The following BCR variants were observed in gnomAD, a reference collection of about 807,000 sequenced individuals.
BCR encodes BCR activator of RhoGEF and GTPase, also known as breakpoint cluster region protein.
A neutral mutation model predicts 138.6 loss-of-function variants in BCR; 58 were observed. The ratio of observed to expected loss-of-function variants is 0.42; its 90% CI spans 0.34 to 0.52. The LOEUF is 0.52. Ranked by LOEUF, BCR falls within the 20% of genes least tolerant of loss-of-function variation. The probability of loss-of-function intolerance (pLI) is 0.06; values close to 1 mark genes in which losing one functional copy is unlikely to be tolerated. For missense variants in BCR, 1,599 were observed against 1,727.2 expected, an observed-to-expected ratio of 0.93 and a Z score of 1.32; for synonymous variants, 786 against 730.1, an observed-to-expected ratio of 1.08 and a Z score of -1.23.
At chr22:23,269,107 GTGT>G (rs2073479380) in intron 5 of BCR, among the ~76,000 whole-genome samples, 1 of 152,256 alleles carries the variant, frequency 6.6e-6, no homozygotes, top group Non-Finnish European at 1.5e-5. Context: ...AAACCATGTG[GTGT>G]TAGCGCCCAG....
chr22:23,250,063 C>T (rs150439006), intron 1 of BCR, among the ~76,000 whole-genome samples: 42 of 152,336 alleles, frequency 2.8e-4, no homozygotes, highest in African/African-American at 9.1e-4. Context: ...AAACCCTCAC[C>T]GGGCACTTGA....
chr22:23,263,383 C>T (rs2073395744), intron 4 of BCR: 3 of 1,253,512 alleles, frequency 2.4e-6, no homozygotes, highest in South Asian at 1.2e-5. Flanking sequence ...CGGCTCGGCA[C>T]CAACCTGATG....
At chr22:23,204,414 T>G (rs2072588758) in intron 1 of BCR, among the ~76,000 whole-genome samples, 1 of 146,726 alleles carries the variant, frequency 6.8e-6, no homozygotes, top group Non-Finnish European at 1.5e-5. Flanking sequence ...TAAAATTAAG[T>G]CATGTTGCTC....
intron 4 of BCR, chr22:23,263,229 GTGC>G: frequency 6.0e-6 from 6 of 1,003,296 alleles, no homozygotes; most frequent in Non-Finnish European, 8.7e-6. Flanking sequence ...CCTGCCGGAA[GTGC>G]TGCTGCTGCA....
intron 1 of BCR, among the ~76,000 whole-genome samples, chr22:23,200,302 A>T (rs2072537468): frequency 6.6e-6 from 1 of 152,120 alleles, no homozygotes; most frequent in Non-Finnish European, 1.5e-5. Flanking sequence ...TTTTGGTTTG[A>T]AGCTCAAAGC....
At position 23,311,972 on chromosome 22, in the gene BCR, A is replaced by T. The variant is rs1223427099; in HGVS notation, c.3322+136A>T. 4.2e-6 allele frequency: 6 copies of T among 1,430,366 alleles called. No individual in the cohort carries two copies. The African/African-American group carries it at 4.3e-5, about 10-fold the overall frequency. The allele number at this position is 1,430,366 out of a possible 1,614,324, so 88.6% of individuals were successfully genotyped here. A position where few individuals can be genotyped will look rare whatever the true frequency, so the allele number is the denominator to read the frequency against. On this transcript the variant is annotated intron_variant, in intron 19 of 22. Coordinates refer to ENST00000305877, the MANE Select transcript of BCR (RefSeq NM_004327.4). The stretch of plus-strand genomic sequence containing the variant: ...CTTCATTTACTGTGTTATTATTTTT[A>T]AAAAAGAGAAGACAAGAGTTGTAGA...
At chr22:23,281,399 G>C (rs1453264142) in intron 8 of BCR, among the ~76,000 whole-genome samples, 1 of 152,214 alleles carries the variant, frequency 6.6e-6, no homozygotes, top group African/African-American at 2.4e-5. Context: ...GGACGACTCG[G>C]GTGGGCTATG....
intron 4 of BCR, chr22:23,263,254 A>G (rs917482479): frequency 9.3e-7 from 1 of 1,070,274 alleles, no homozygotes; most frequent in Non-Finnish European, 1.4e-6. Flanking sequence ...ATGTGCTCCT[A>G]CCTCGACATG....
At chr22:23,271,010 G>A (rs759373826) in intron 5 of BCR, among the ~76,000 whole-genome samples, 17 of 152,208 alleles carry the variant, frequency 1.1e-4, no homozygotes, top group Non-Finnish European at 1.5e-4. Flanking sequence ...GGTGCTCTTC[G>A]GAACTGGCAG....
intron 1 of BCR, among the ~76,000 whole-genome samples, chr22:23,235,675 C>CA (rs1487707976): frequency 6.6e-6 from 1 of 152,146 alleles, no homozygotes; most frequent in South Asian, 2.1e-4. Context: ...GCTGCTATAA[C>CA]AAAAATGCCA....
rs368688473 is a variant in BCR, at chr22:23,275,389, T to C, written c.2115+1615T>C. ...AGCAGGGTGGGAACATGGCCCCACC[T>C]CATCGGGCACCTGGGCTGTCAAATG... On this transcript the variant is annotated intron_variant, in intron 8 of 22. Coordinates refer to ENST00000305877, the MANE Select transcript of BCR (RefSeq NM_004327.4). Among the ~76,000 whole-genome samples the C allele has an allele frequency of 5.3e-4, 80 of 152,322 alleles. 1 individual carries two copies. In the East Asian group the frequency reaches 0.013, roughly 25 times the overall value.
chr22:23,264,533 T>G, intron 4 of BCR: 1 of 514,424 alleles, frequency 1.9e-6, no homozygotes, highest in Non-Finnish European at 3.5e-6. Context: ...CTTTGTGGCT[T>G]ACCAGAGATG....
chr22:23,259,677 C>T (rs535160340), intron 2 of BCR, among the ~76,000 whole-genome samples: 182 of 152,178 alleles, frequency 1.2e-3, no homozygotes, highest in African/African-American at 4.2e-3. Context: ...CCACCACACC[C>T]GGCTAATTTT....
chr22:23,285,273 G>A (rs2073698966), intron 10 of BCR, 72 bp downstream of exon 10: 2 of 1,496,840 alleles, frequency 1.3e-6, no homozygotes, highest in Non-Finnish European at 1.8e-6. Flanking sequence ...ACGGCCAGTG[G>A]GTGCTTTCTC....
At chr22:23,256,643 G>A (rs1035607281) in intron 2 of BCR, among the ~76,000 whole-genome samples, 1 of 152,072 alleles carries the variant, frequency 6.6e-6, no homozygotes, top group Non-Finnish European at 1.5e-5. Flanking sequence ...CCTGCCCCTC[G>A]CAGTAAGGGT....
intron 1 of BCR, among the ~76,000 whole-genome samples, chr22:23,188,191 C>T (rs962987395): frequency 1.3e-5 from 2 of 152,100 alleles, no homozygotes; most frequent in African/African-American, 2.4e-5. Flanking sequence ...AGTCTGAGGC[C>T]GCTAAAGGCA....
At position 23,182,115 on chromosome 22, in the gene BCR, G is replaced by A. The variant is rs530146563; in HGVS notation, c.1155G>A (p.Thr385=). 51 of 1,611,904 alleles carry A rather than the reference G, an allele frequency of 3.2e-5. No individual in the cohort carries two copies. The South Asian group carries it at 4.3e-4, about 14-fold the overall frequency. ...CCTTCGACAGCAGCAGTCCCCCCACGCCGCAGTGCCATAAGCGGCACCGGC... is the reference window on the plus strand; with the variant it reads ...CCTTCGACAGCAGCAGTCCCCCCACACCGCAGTGCCATAAGCGGCACCGGC... The part of the protein sequence containing the change: ...QQSFDSSSPP[T]PQCHKRHRHC... Residue 385 remains threonine (T), a synonymous_variant, in exon 1 of 23, where the codon ACG becomes ACA. Coordinates refer to ENST00000305877, the MANE Select transcript of BCR (RefSeq NM_004327.4).
intron 1 of BCR, among the ~76,000 whole-genome samples, chr22:23,208,824 C>T (rs1300795964): frequency 6.6e-6 from 1 of 152,116 alleles, no homozygotes; most frequent in Admixed American, 6.5e-5. Context: ...CACTGCACTC[C>T]AGCCTGGGCA....
intron 4 of BCR, among the ~76,000 whole-genome samples, chr22:23,267,153 G>A (rs373116361): frequency 5.5e-4 from 83 of 152,268 alleles, no homozygotes; most frequent in African/African-American, 1.8e-3. Flanking sequence ...TTACCACTGC[G>A]GTGACAAGGC....
Sources: gnomAD v4.1 joint callset for allele counts (sites outside exome capture counted in the v4.1 genomes callset) on GRCh38, gnomAD v4.1.1 for gene constraint, MANE v1.5 for transcripts, NCBI Gene and HGNC (gene_info 2026-07-23, HGNC 2026-07-21) for gene names.